The following PCNT variants were observed in gnomAD, a reference collection of about 807,000 sequenced individuals.
PCNT encodes the protein pericentrin.
In PCNT, 319 loss-of-function variants were observed where a neutral mutation model predicts 380.4. The observed-to-expected ratio is 0.84, with a 90% CI of 0.77 to 0.92. The LOEUF (loss-of-function observed/expected upper bound fraction) is 0.92, where lower values mean the gene tolerates loss of function less well. Ranked by LOEUF, PCNT falls within the 40% of genes least tolerant of loss-of-function variation. The pLI is 0.00. For synonymous variants in PCNT, 1,845 were observed against 1,735.2 expected (o/e 1.06, Z -1.57); for missense variants, 4,400 against 4,255.3 (o/e 1.03, Z -0.95).
intron 2 of PCNT, among the ~76,000 whole-genome samples, chr21:46,334,040 A>G (rs977462106): frequency 3.3e-5 from 5 of 152,008 alleles, no homozygotes; most frequent in African/African-American, 1.2e-4. Flanking sequence ...CCCTGTCTCT[A>G]CTAAAAATAC....
chr21:46,409,627 T>C (rs935029130), intron 27 of PCNT, among the ~76,000 whole-genome samples: 1 of 152,204 alleles, frequency 6.6e-6, no homozygotes, highest in African/African-American at 2.4e-5. Flanking sequence ...TTTGACACTA[T>C]CTTGCTCTGT....
chr21:46,355,375 A>G (rs1039119794), intron 11 of PCNT, 77 bp from the exon 12 acceptor site: 10 of 1,470,414 alleles, frequency 6.8e-6, no homozygotes, highest in Admixed American at 1.7e-5. Flanking sequence ...CATAGCAGGA[A>G]ACACCTTTGA....
At chr21:46,407,135 A>T (rs1477007436) in intron 27 of PCNT, among the ~76,000 whole-genome samples, 3 of 151,984 alleles carry the variant, frequency 2.0e-5, no homozygotes, top group African/African-American at 7.3e-5. Context: ...CATAGCTGGG[A>T]TTTCTTCTTT....
chr21:46,414,367 C>T, intron 29 of PCNT, among the ~76,000 whole-genome samples: 1 of 152,066 alleles, frequency 6.6e-6, no homozygotes, highest in Non-Finnish European at 1.5e-5. Context: ...TCCCTGGACA[C>T]ACAGCCACCC....
At position 46,390,867 on chromosome 21, in the gene PCNT, C is replaced by T. The variant is rs1169347585; in HGVS notation, c.4003+35C>T. 1.9e-6 allele frequency: 3 copies of T among 1,594,944 alleles called. No homozygotes were observed. In the Admixed American group the frequency reaches 5.3e-5, roughly 28 times the overall value. On this transcript the variant is annotated intron_variant, in intron 20 of 46. Coordinates refer to ENST00000359568, the MANE Select transcript of PCNT (RefSeq NM_006031.6). ...ATGAGGCCTCGGGGCACCTGGAGCACAGGCACGGGGAGCAGGCCTGGCCTC... is the reference window on the plus strand; with the variant it reads ...ATGAGGCCTCGGGGCACCTGGAGCATAGGCACGGGGAGCAGGCCTGGCCTC...
chr21:46,325,025 G>C, intron 1 of PCNT: 1 of 985,380 alleles, frequency 1.0e-6, no homozygotes, highest in Non-Finnish European at 1.2e-6. Context: ...GGCGCCGGGC[G>C]CCTTCAAGGG....
In PCNT at chr21:46,353,324, T is replaced by C; in HGVS notation, c.1677T>C (p.Val559=). The change falls in exon 10 of 47, where the codon GTT becomes GTC. Residue 559 remains valine (V), a splice_region_variant and synonymous_variant. Coordinates refer to ENST00000359568, the MANE Select transcript of PCNT (RefSeq NM_006031.6). ...ATGCTCTTCTGGACTCTGTGGAAGTTGGGTAAGCAAAGCAGTTCCAGCCTC... is the reference window on the plus strand; with the variant it reads ...ATGCTCTTCTGGACTCTGTGGAAGTCGGGTAAGCAAAGCAGTTCCAGCCTC... The part of the protein sequence containing the change: ...REDALLDSVE[V]GLSCVGLEEK... 1 of 1,613,600 alleles carries C rather than the reference T, an allele frequency of 6.2e-7. No individual in the cohort carries two copies. The highest frequency in any genetic ancestry group is 8.5e-7 in the Non-Finnish European group (1 of 1,179,628).
chr21:46,424,750 C>T (rs1199464898), intron 32 of PCNT, among the ~76,000 whole-genome samples: 4 of 138,718 alleles, frequency 2.9e-5, no homozygotes, highest in Non-Finnish European at 6.2e-5. Flanking sequence ...CACGGCCTTG[C>T]TCCCCCCGTC....
At chr21:46,332,783 G>A (rs2083599603) in intron 2 of PCNT, among the ~76,000 whole-genome samples, 1 of 152,216 alleles carries the variant, frequency 6.6e-6, no homozygotes, top group Non-Finnish European at 1.5e-5. Context: ...ATTTTGGGAA[G>A]AAATTGAAAT....
intron 8 of PCNT, 54 bp downstream of exon 8, chr21:46,349,874 G>C (rs972213637): frequency 1.3e-6 from 2 of 1,555,378 alleles, no homozygotes; most frequent in Non-Finnish European, 1.8e-6. Flanking sequence ...AGTTTTAACA[G>C]ATTTTGGAAT....
chr21:46,342,729 C>CG (rs1055372224), intron 3 of PCNT, among the ~76,000 whole-genome samples: 10 of 151,934 alleles, frequency 6.6e-5, no homozygotes, highest in African/African-American at 2.4e-4. Flanking sequence ...TTAGTAGAGA[C>CG]GGAGTTTCAG....
rs1475443436 is a variant in PCNT, at chr21:46,398,006, C to T, written c.4447-8C>T. 2 of 1,572,728 alleles carry T rather than the reference C, an allele frequency of 1.3e-6. No individual in the cohort carries two copies. The highest frequency in any genetic ancestry group is 1.8e-5 in the Admixed American group (1 of 54,398). ...GGGGTGGTCCCAACACGCTGCCTCT[C>T]CTCCCAGGAGCAGGCAGCCGAGCGG... On this transcript the variant is annotated splice_region_variant and splice_polypyrimidine_tract_variant and intron_variant, in intron 22 of 46. Coordinates refer to ENST00000359568, the MANE Select transcript of PCNT (RefSeq NM_006031.6).
intron 1 of PCNT, among the ~76,000 whole-genome samples, chr21:46,325,394 G>GGGGA (rs2083349368): frequency 6.6e-6 from 1 of 152,192 alleles, no homozygotes; most frequent in Non-Finnish European, 1.5e-5. Flanking sequence ...AGGGTGGAGG[G>GGGGA]GGGAGGGAGG....
intron 21 of PCNT, 100 bp from the exon 22 acceptor site, chr21:46,397,165 C>T (rs796895599): frequency 1.3e-5 from 12 of 934,598 alleles, no homozygotes; most frequent in African/African-American, 6.4e-5. Context: ...ACTTCATTTT[C>T]GGTGGGTTTT....
intron 37 of PCNT, 47 bp from the exon 38 acceptor site, chr21:46,431,482 T>G: frequency 6.2e-7 from 1 of 1,613,554 alleles, no homozygotes; most frequent in Non-Finnish European, 8.5e-7. Flanking sequence ...ATGTAGACAC[T>G]TTTCCTCTTG....
At chr21:46,328,119 A>C (rs1259755907) in intron 2 of PCNT, among the ~76,000 whole-genome samples, 1 of 152,278 alleles carries the variant, frequency 6.6e-6, no homozygotes, top group Non-Finnish European at 1.5e-5. Flanking sequence ...AATCTGGCTC[A>C]AGGTCATAAT....
At chr21:46,440,511 T>C (rs1231583089) in intron 42 of PCNT, among the ~76,000 whole-genome samples, 1 of 152,250 alleles carries the variant, frequency 6.6e-6, no homozygotes, top group African/African-American at 2.4e-5. Flanking sequence ...CAAGATCTGC[T>C]GCAGTCTCCT....
At chr21:46,438,059 G>A in intron 40 of PCNT, 105 bp from the exon 41 acceptor site, 1 of 925,920 alleles carries the variant, frequency 1.1e-6, no homozygotes, top group Non-Finnish European at 1.7e-6. Flanking sequence ...TTGAACCCCA[G>A]ACACATTAAT....
At chr21:46,435,327 G>C (rs948063724) in intron 38 of PCNT, among the ~76,000 whole-genome samples, 1 of 151,976 alleles carries the variant, frequency 6.6e-6, no homozygotes, top group African/African-American at 2.4e-5. Context: ...CTAGGTTCAA[G>C]TGATTCTCCT....
Sources: gnomAD v4.1 joint callset for allele counts (sites outside exome capture counted in the v4.1 genomes callset) on GRCh38, gnomAD v4.1.1 for gene constraint, MANE v1.5 for transcripts, NCBI Gene and HGNC (gene_info 2026-07-23, HGNC 2026-07-21) for gene names.